Variants in WDR49 observed in about 807,000 individuals in gnomAD.
WDR49 encodes the protein cilia- and flagella-associated protein 337.
Under a neutral mutation model 119.5 loss-of-function variants are expected in WDR49, and 107 were observed. The observed-to-expected ratio is 0.90, with a 90% CI of 0.77 to 1.05. The LOEUF (loss-of-function observed/expected upper bound fraction) is 1.05, where lower values mean the gene tolerates loss of function less well. Ranked by LOEUF, WDR49 falls within the 50% of genes least tolerant of loss-of-function variation. The pLI is 0.00. For synonymous variants in WDR49, 425 were observed against 418.8 expected (o/e 1.01, Z -0.18); for missense variants, 1,240 against 1,220.5 (o/e 1.02, Z -0.24).
chr3:167,495,034 C>G (rs1015612902), intron 18 of WDR49, among the ~76,000 whole-genome samples: 2 of 152,086 alleles, frequency 1.3e-5, no homozygotes, highest in African/African-American at 4.8e-5. Flanking sequence ...AAGAGTGAAC[C>G]ATTGCTGACA....
chr3:167,567,017 C>T (rs1474584437), intron 8 of WDR49: 3 of 467,246 alleles, frequency 6.4e-6, no homozygotes, highest in Non-Finnish European at 1.1e-5. Context: ...TGTAACTTCA[C>T]AGAAATATAT....
chr3:167,533,942 C>A (rs1346741826), intron 11 of WDR49, among the ~76,000 whole-genome samples: 1 of 151,968 alleles, frequency 6.6e-6, no homozygotes, highest in Non-Finnish European at 1.5e-5. Flanking sequence ...AAAGAGCAAT[C>A]TCTTTGGGAG....
intron 17 of WDR49, among the ~76,000 whole-genome samples, chr3:167,503,860 C>T (rs190981807): frequency 4.6e-5 from 7 of 152,312 alleles, no homozygotes; most frequent in African/African-American, 1.4e-4. Context: ...GTTGCCGGCT[C>T]GAATGCCTGG....
chr3:167,637,167 G>A (rs1227155533), intron 2 of WDR49, among the ~76,000 whole-genome samples: 1 of 151,800 alleles, frequency 6.6e-6, no homozygotes. Flanking sequence ...GTTGATTTTT[G>A]TATAAGGTGA....
chr3:167,498,171 G>A (rs1751431338), intron 18 of WDR49, among the ~76,000 whole-genome samples: 1 of 152,144 alleles, frequency 6.6e-6, no homozygotes, highest in African/African-American at 2.4e-5. Flanking sequence ...AATCATCCTG[G>A]TGAAAAGTGA....
intron 10 of WDR49, among the ~76,000 whole-genome samples, chr3:167,540,932 T>A (rs895073499): frequency 1.3e-5 from 2 of 151,506 alleles, no homozygotes; most frequent in African/African-American, 4.8e-5. Context: ...AACAATAGAA[T>A]CAAACAAGTA....
intron 10 of WDR49, among the ~76,000 whole-genome samples, chr3:167,549,958 C>G (rs1420425749): frequency 1.3e-5 from 2 of 152,158 alleles, no homozygotes; most frequent in Non-Finnish European, 2.9e-5. Context: ...GAAATCCTTT[C>G]CCCATTTCAT....
intron 2 of WDR49, among the ~76,000 whole-genome samples, chr3:167,637,731 C>CTTT: frequency 6.6e-6 from 1 of 151,718 alleles, no homozygotes; most frequent in Non-Finnish European, 1.5e-5. Context: ...TAGGTATGTT[C>CTTT]CTAAGTATTT....
At chr3:167,535,262 C>A (rs1289524581) in intron 11 of WDR49, among the ~76,000 whole-genome samples, 1 of 152,078 alleles carries the variant, frequency 6.6e-6, no homozygotes, top group Non-Finnish European at 1.5e-5. Context: ...CTTCAAAAAT[C>A]TATTCATGCT....
chr3:167,612,772 C>CTTG (rs150633818), intron 5 of WDR49, among the ~76,000 whole-genome samples: 3,466 of 151,994 alleles, frequency 0.023, 118 homozygotes, highest in African/African-American at 0.076. Context: ...GGGAAGAAAT[C>CTTG]TTGTGTTAAG....
chr3:167,525,185 G>A (rs908667322), intron 15 of WDR49, among the ~76,000 whole-genome samples: 3 of 151,836 alleles, frequency 2.0e-5, no homozygotes, highest in African/African-American at 7.3e-5. Context: ...ATGGGAATTC[G>A]CTCATGATTG....
At position 167,532,997 on chromosome 3, in the gene WDR49, G is replaced by A; in HGVS notation, c.1955-20C>T. 2.6e-6 allele frequency: 4 copies of A among 1,512,732 alleles called. No homozygotes were observed. The highest frequency in any genetic ancestry group is 3.6e-6 in the Non-Finnish European group (4 of 1,114,886). The allele number at this position is 1,512,732 out of a possible 1,614,324, so 93.7% of individuals were successfully genotyped here. ...AACTCCCTACACAAGACAGGATGGA[G>A]AATATAAATTGCCAGGAGATTAAGA... On this transcript the variant is annotated intron_variant, in intron 11 of 18. Coordinates refer to ENST00000682715, the MANE Select transcript of WDR49 (RefSeq NM_001366157.1).
chr3:167,538,732 T>G (rs1310539905), intron 10 of WDR49, among the ~76,000 whole-genome samples: 1 of 152,148 alleles, frequency 6.6e-6, no homozygotes, highest in Non-Finnish European at 1.5e-5. Context: ...GCATTACTGA[T>G]CAACTGCCAT....
intron 8 of WDR49, among the ~76,000 whole-genome samples, chr3:167,570,784 TC>T (rs749224792): frequency 6.6e-6 from 1 of 152,186 alleles, no homozygotes; most frequent in Non-Finnish European, 1.5e-5. Context: ...ACGCCTGCAA[TC>T]CCAGCACTTT....
At chr3:167,590,839 A>C (rs924123855) in intron 7 of WDR49, among the ~76,000 whole-genome samples, 2 of 152,012 alleles carry the variant, frequency 1.3e-5, no homozygotes, top group African/African-American at 4.8e-5. Flanking sequence ...TAGTCTGGCT[A>C]AAGTTTTGTC....
At chr3:167,527,215 C>G (rs1206817129) in intron 15 of WDR49, among the ~76,000 whole-genome samples, 2 of 152,090 alleles carry the variant, frequency 1.3e-5, no homozygotes, top group African/African-American at 4.8e-5. Context: ...TATTCAAACT[C>G]TCTGTGCCTC....
intron 10 of WDR49, among the ~76,000 whole-genome samples, chr3:167,540,395 A>G (rs1711740818): frequency 6.6e-6 from 1 of 152,094 alleles, no homozygotes; most frequent in African/African-American, 2.4e-5. Context: ...GCACCAGCCC[A>G]AAGGCTGGTA....
chr3:167,520,231 G>C (rs535633913), intron 16 of WDR49, among the ~76,000 whole-genome samples: 1 of 150,618 alleles, frequency 6.6e-6, no homozygotes. Flanking sequence ...GGACAACAAA[G>C]CAAGACAGCC....
intron 15 of WDR49, among the ~76,000 whole-genome samples, chr3:167,527,337 G>A (rs188462285): frequency 7.2e-5 from 11 of 152,134 alleles, no homozygotes; most frequent in South Asian, 2.1e-4. Flanking sequence ...AGTACCCCAC[G>A]TACACAAGAA....
Sources: gnomAD v4.1 joint callset for allele counts (sites outside exome capture counted in the v4.1 genomes callset) on GRCh38, gnomAD v4.1.1 for gene constraint, MANE v1.5 for transcripts, NCBI Gene and HGNC (gene_info 2026-07-23, HGNC 2026-07-21) for gene names.